The following CCSER1 variants were observed in gnomAD, a reference collection of about 807,000 sequenced individuals.
The protein encoded by CCSER1 is serine-rich coiled-coil domain-containing protein 1.
CCSER1 carries 41 observed loss-of-function variants against 82.0 expected under a neutral mutation model. The ratio of observed to expected loss-of-function variants is 0.50; its 90% CI spans 0.39 to 0.65. The LOEUF is 0.65. Among genes scored for constraint, CCSER1 ranks in the 30% least tolerant of loss-of-function variants. CCSER1 has a pLI of 0.00. For missense variants in CCSER1, 1,119 were observed against 1,064.2 expected, an observed-to-expected ratio of 1.05 and a Z score of -0.72; for synonymous variants, 414 against 383.9, an observed-to-expected ratio of 1.08 and a Z score of -0.92.
intron 7 of CCSER1, among the ~76,000 whole-genome samples, chr4:90,810,793 C>T (rs1481889111): frequency 6.6e-6 from 1 of 150,988 alleles, no homozygotes; most frequent in Non-Finnish European, 1.5e-5. Context: ...TGCCACTTGG[C>T]CAAAAAGGAA....
chr4:91,000,969 G>T (rs532444951), intron 9 of CCSER1, among the ~76,000 whole-genome samples: 1 of 152,068 alleles, frequency 6.6e-6, no homozygotes, highest in Non-Finnish European at 1.5e-5. Context: ...GTTTAATAAG[G>T]GGTGCTGAGA....
At chr4:91,471,500 A>AAT (rs1685078476) in intron 10 of CCSER1, among the ~76,000 whole-genome samples, 2 of 152,108 alleles carry the variant, frequency 1.3e-5, no homozygotes, top group African/African-American at 4.8e-5. Context: ...GTCATGAGGT[A>AAT]ATATGGATAG....
intron 1 of CCSER1, among the ~76,000 whole-genome samples, chr4:90,177,632 G>GA (rs538808762): frequency 3.0e-4 from 46 of 152,004 alleles, no homozygotes; most frequent in Admixed American, 1.1e-3. Context: ...CACTGCCCCA[G>GA]AAAAAATCAC....
At chr4:90,949,992 G>A (rs1732719919) in intron 9 of CCSER1, among the ~76,000 whole-genome samples, 1 of 152,030 alleles carries the variant, frequency 6.6e-6, no homozygotes, top group South Asian at 2.1e-4. Flanking sequence ...TAAGCCCTCT[G>A]CTATCATACC....
intron 9 of CCSER1, among the ~76,000 whole-genome samples, chr4:91,064,628 C>G (rs12508066): frequency 0.37 from 56,659 of 152,114 alleles, 11,879 homozygotes; most frequent in East Asian, 0.64. Context: ...TTCCAGACTC[C>G]CAGAAGGAAA....
chr4:90,830,546 C>T (rs985442509), intron 8 of CCSER1, among the ~76,000 whole-genome samples: 11 of 152,086 alleles, frequency 7.2e-5, no homozygotes, highest in Non-Finnish European at 1.5e-4. Flanking sequence ...GATTTCTGAG[C>T]TATTTAAGTT....
Position 91,051,254 on chromosome 4 carries a change from C to A in CCSER1, c.2173-34696C>A, listed in dbSNP as rs570736050. On this transcript the variant is annotated intron_variant, in intron 9 of 10. Coordinates refer to ENST00000509176, the MANE Select transcript of CCSER1 (RefSeq NM_001145065.2). ...ATGCAAATTATATCAAAAAACAAAT[C>A]AAACGCATTCAAGTGGAAAATGAAT... 2.6e-5 allele frequency among the ~76,000 whole-genome samples: 4 copies of A among 152,154 alleles called. No individual in the cohort carries two copies. The South Asian group carries it at 8.3e-4, about 32-fold the overall frequency.
intron 9 of CCSER1, among the ~76,000 whole-genome samples, chr4:91,072,678 T>C (rs1721557520): frequency 6.6e-6 from 1 of 152,110 alleles, no homozygotes; most frequent in Non-Finnish European, 1.5e-5. Context: ...TGTAATGAGA[T>C]ACTCTGGGCT....
chr4:91,171,090 T>C (rs1038161459), intron 10 of CCSER1, among the ~76,000 whole-genome samples: 2 of 152,140 alleles, frequency 1.3e-5, no homozygotes, highest in Admixed American at 6.6e-5. Context: ...ACTTTTTTTT[T>C]CCAAAATAGA....
chr4:90,981,509 G>A (rs1736112864), intron 9 of CCSER1, among the ~76,000 whole-genome samples: 1 of 151,834 alleles, frequency 6.6e-6, no homozygotes, highest in Non-Finnish European at 1.5e-5. Flanking sequence ...TTTAGGGGGA[G>A]CTTCTTGAAA....
intron 7 of CCSER1, among the ~76,000 whole-genome samples, chr4:90,771,161 C>T (rs904892055): frequency 5.3e-5 from 8 of 152,032 alleles, no homozygotes; most frequent in South Asian, 2.1e-4. Context: ...CTACACTCTG[C>T]GAATATTTAC....
chr4:91,519,762 C>T (rs1230534188), intron 10 of CCSER1, among the ~76,000 whole-genome samples: 1 of 152,200 alleles, frequency 6.6e-6, no homozygotes, highest in Non-Finnish European at 1.5e-5. Flanking sequence ...TGTGGTTGTC[C>T]TGTCTTGCTC....
chr4:90,745,965 G>C (rs1009559907), intron 7 of CCSER1, among the ~76,000 whole-genome samples: 1 of 151,940 alleles, frequency 6.6e-6, no homozygotes, highest in Non-Finnish European at 1.5e-5. Flanking sequence ...CTCCCAAAGT[G>C]CTGGGGTTAC....
chr4:90,606,080 T>C (rs975361622), intron 5 of CCSER1, among the ~76,000 whole-genome samples: 4 of 152,124 alleles, frequency 2.6e-5, no homozygotes, highest in African/African-American at 9.6e-5. Flanking sequence ...AAAGAAAGTA[T>C]CATTTTGGAT....
chr4:90,758,504 A>G (rs1348584431), intron 7 of CCSER1, among the ~76,000 whole-genome samples: 1 of 152,140 alleles, frequency 6.6e-6, no homozygotes, highest in Non-Finnish European at 1.5e-5. Context: ...AAAAAAAGAC[A>G]AGCAGATTAA....
chr4:90,406,088 C>T (rs1753678876), intron 4 of CCSER1, among the ~76,000 whole-genome samples: 1 of 152,076 alleles, frequency 6.6e-6, no homozygotes, highest in South Asian at 2.1e-4. Flanking sequence ...TAATAATTCA[C>T]TAAACAAGTT....
chr4:90,420,771 C>T (rs1408108242), intron 4 of CCSER1, among the ~76,000 whole-genome samples: 2 of 152,042 alleles, frequency 1.3e-5, no homozygotes, highest in South Asian at 2.1e-4. Flanking sequence ...GTAGCATTTC[C>T]TACTGACATA....
chr4:90,400,133 A>T lies in CCSER1; in HGVS notation c.1603+4A>T, dbSNP rs1338758472. On this transcript the variant is annotated splice_donor_region_variant and intron_variant, in intron 4 of 10. Coordinates refer to ENST00000509176, the MANE Select transcript of CCSER1 (RefSeq NM_001145065.2). ...GAACAGAGTCTTCACCCTTCTGGTA[A>T]GTGTTAAAGAGATGAATAATATCAT... 3 of 1,500,016 alleles carry T rather than the reference A, an allele frequency of 2.0e-6. No individual in the cohort carries two copies. In the African/African-American group the frequency reaches 4.1e-5, roughly 21 times the overall value. 92.9% of individuals were successfully genotyped at this position (1,500,016 alleles called of 1,614,324 possible).
At chr4:90,304,366 T>C (rs372415947) in intron 1 of CCSER1, among the ~76,000 whole-genome samples, 385 of 152,306 alleles carry the variant, frequency 2.5e-3, no homozygotes, top group African/African-American at 8.8e-3. Flanking sequence ...TATTGCGGCA[T>C]TATTCACAAC....
Sources: gnomAD v4.1 joint callset for allele counts (sites outside exome capture counted in the v4.1 genomes callset) on GRCh38, gnomAD v4.1.1 for gene constraint, MANE v1.5 for transcripts, NCBI Gene and HGNC (gene_info 2026-07-23, HGNC 2026-07-21) for gene names.